LRRN4: variants seen among roughly 807,000 people sequenced by gnomAD.
LRRN4 encodes the protein leucine-rich repeat neuronal protein 4.
LRRN4 carries 26 observed loss-of-function variants against 22.3 expected under a neutral mutation model. The observed-to-expected ratio is 1.16, with a 90% confidence interval of 0.85 to 1.62. LRRN4 has a LOEUF of 1.62. Among genes scored for constraint, LRRN4 ranks in the 40% most tolerant of loss-of-function variants. LRRN4 has a pLI of 0.00. For synonymous variants in LRRN4, 496 were observed against 486.2 expected (o/e 1.02, Z -0.26); for missense variants, 1,070 against 1,008.5 (o/e 1.06, Z -0.83).
intron 3 of LRRN4, among the ~76,000 whole-genome samples, chr20:6,044,944 T>C (rs1733786245): frequency 6.6e-6 from 1 of 152,146 alleles, no homozygotes. Flanking sequence ...ACTGGAGACA[T>C]AGCTAGAATG....
At chr20:6,042,918 CAAA>C (rs11482044) in intron 4 of LRRN4, among the ~76,000 whole-genome samples, 3,633 of 124,188 alleles carry the variant, frequency 0.029, 71 homozygotes, top group Admixed American at 0.059. Flanking sequence ...GACTCTGTCT[CAAA>C]AAAAAAAAAA....
rs1200484539 is a variant in LRRN4 at position 6,052,365 on chromosome 20, C to T, written c.435G>A (p.Leu145=). Residue 145 remains leucine, a synonymous_variant, in exon 2 of 5, where the codon CTG becomes CTA. Coordinates refer to ENST00000378858, the MANE Select transcript of LRRN4 (RefSeq NM_152611.5). ...AALPPCTGPA[L]SSLRALALAG... is the part of the protein sequence containing the mutation. ...CGAGCGCCAGGGCGCGGAGGCTGCT[C>T]AGCGCGGGCCCGGTGCACGGCGGCA... 6.6e-7 allele frequency: 1 copy of T among 1,514,118 alleles called. No individual in the cohort carries two copies. The highest frequency in any genetic ancestry group is 8.8e-7 in the Non-Finnish European group (1 of 1,140,376). The allele number at this position is 1,514,118 out of a possible 1,614,324, so 93.8% of individuals were successfully genotyped here.
In LRRN4 at chr20:6,041,257, C is replaced by A. The variant is rs1260808941; in HGVS notation, c.1988G>T (p.Arg663Leu). 1.3e-6 allele frequency: 2 copies of A among 1,584,638 alleles called. No individual in the cohort carries two copies. The highest frequency in any genetic ancestry group is 1.7e-5 in the Admixed American group (1 of 58,324). The change falls in exon 5 of 5, where the codon CGG becomes CTG. Residue 663 changes from arginine (R) to leucine (L), a missense_variant. Transcript: ENST00000378858. This position sits in a 1 kb window ranked among gnomAD's most constrained non-coding sequence, Gnocchi z 9.4. ...GCACGGGCTCCTCCAGCCCGAAGAC[C>A]GTGGCTGGCTCAAGCCCGCCCTGTT... ...AANRAGLSQP[R>L]SSGWRSPCAA...
Position 6,041,660 on chromosome 20 carries a change from C to G in LRRN4, c.1585G>C (p.Glu529Gln). 1.2e-6 allele frequency: 2 copies of G among 1,610,754 alleles called. No individual in the cohort carries two copies. The highest frequency in any genetic ancestry group is 1.7e-6 in the Non-Finnish European group (2 of 1,178,114). Residue 529 changes from glutamate to glutamine, a missense_variant, in exon 5 of 5, where the codon GAG (glutamate) becomes CAG (glutamine). Coordinates refer to ENST00000378858, the MANE Select transcript of LRRN4 (RefSeq NM_152611.5). This position sits in a 1 kb window ranked among gnomAD's most constrained non-coding sequence, Gnocchi z 9.4. ...TCCTCCTTCCTCCCTTCCTCCTCCT[C>G]ACTGTAGTCGTCCAGCAGCAAGACT... ...IPVLLLDDYS[E>Q]EEEGRKEEVG...
Position 6,042,016 on chromosome 20 carries a change from G to A in LRRN4, c.1229C>T (p.Pro410Leu). The stretch of plus-strand genomic sequence containing the variant: ...AGCTATCGTGCGAGAGCCCACGTTA[G>A]GGGCCTTGGAGACACTCTGCTGGTC... ...AGDQQSVSKAPNVGSRTIAAW... is the reference protein window; with the variant it reads ...AGDQQSVSKALNVGSRTIAAW... Residue 410 changes from proline to leucine, a missense_variant, in exon 5 of 5, where the codon CCT becomes CTT. Coordinates refer to ENST00000378858, the MANE Select transcript of LRRN4 (RefSeq NM_152611.5). 1.2e-6 allele frequency: 2 copies of A among 1,614,006 alleles called. No individual in the cohort carries two copies. The highest frequency in any genetic ancestry group is 1.7e-6 in the Non-Finnish European group (2 of 1,179,978).
In LRRN4 at chr20:6,052,433, C is replaced by A; in HGVS notation, c.367G>T (p.Gly123Trp). 6.5e-7 allele frequency: 1 copy of A among 1,547,944 alleles called. No individual in the cohort carries two copies. The highest frequency in any genetic ancestry group is 8.7e-7 in the Non-Finnish European group (1 of 1,155,708). The change falls in exon 2 of 5, where the codon GGG (glycine) becomes TGG (tryptophan). Residue 123 changes from glycine to tryptophan, a missense_variant. Coordinates refer to ENST00000378858, the MANE Select transcript of LRRN4 (RefSeq NM_152611.5). ...TAGCTGAGGTCCAGGGTGTGCAGCC[C>A]CGCCGGCCCACCCGGGCCCCAGCGC... The part of the protein sequence containing the change: ...ALRWGPGGPA[G>W]LHTLDLSYNQ...
chr20:6,044,537 T>C lies in LRRN4; in HGVS notation c.998+6A>G. 6.6e-7 allele frequency: 1 copy of C among 1,513,948 alleles called. No individual in the cohort carries two copies. Among genetic ancestry groups the C allele is most frequent in the Non-Finnish European group, 8.9e-7 (1 of 1,129,874 alleles). 93.8% of individuals were successfully genotyped at this position (1,513,948 alleles called of 1,614,324 possible). A position where few individuals can be genotyped will look rare whatever the true frequency, so the allele number is the denominator to read the frequency against. ...CCCTCAGCCATCTGCTTTGTAAATG[T>C]GTTACCTGCTTAGGACAGTTCTCTT... On this transcript the variant is annotated splice_donor_region_variant and intron_variant, in intron 4 of 4. Transcript: ENST00000378858.
At chr20:6,043,138 G>A (rs538401090) in intron 4 of LRRN4, among the ~76,000 whole-genome samples, 1 of 152,188 alleles carries the variant, frequency 6.6e-6, no homozygotes, top group African/African-American at 2.4e-5. Context: ...ACCAGGTACA[G>A]TGGCTCATGC....
In LRRN4 at chr20:6,052,520, C is replaced by T; in HGVS notation, c.280G>A (p.Glu94Lys). Residue 94 changes from glutamate (E) to lysine (K), a missense_variant, in exon 2 of 5, where the codon GAG (glutamate) becomes AAG (lysine). Glu to Lys is a moderately conservative substitution (Grantham distance 56). Coordinates refer to ENST00000378858, the MANE Select transcript of LRRN4 (RefSeq NM_152611.5). ...HNLLRALSTS[E>K]LGHLEQLQVL... ...TGCAGCTGCTCCAGGTGGCCGAGCT[C>T]GGAAGTGCTCAGGGCGCGCAGCAGG... 1 of 1,586,180 alleles carries T rather than the reference C, an allele frequency of 6.3e-7. No individual in the cohort carries two copies. The highest frequency in any genetic ancestry group is 1.1e-5 in the South Asian group (1 of 88,678).
rs199654275 is a variant in LRRN4 at position 6,050,906 on chromosome 20, C to T, written c.733G>A (p.Glu245Lys). The T allele has an allele frequency of 6.2e-7, 1 of 1,614,146 alleles. No individual in the cohort carries two copies. Among genetic ancestry groups the T allele is most frequent in the African/African-American group, 1.3e-5 (1 of 75,024 alleles). ...LRKMPRLTTLEGDIFKMTPNL... is the reference protein window; with the variant it reads ...LRKMPRLTTLKGDIFKMTPNL... ...GGGGTCATCTTGAAAATGTCCCCCTCCAGGGTCGTCAGCCGAGGCATCTTC... is the reference window on the plus strand; with the variant it reads ...GGGGTCATCTTGAAAATGTCCCCCTTCAGGGTCGTCAGCCGAGGCATCTTC... Residue 245 changes from glutamate (E) to lysine (K), a missense_variant, in exon 3 of 5, where the codon GAG (glutamate) becomes AAG (lysine). Coordinates refer to ENST00000378858, the MANE Select transcript of LRRN4 (RefSeq NM_152611.5).
rs756232932 is a variant in LRRN4 at position 6,041,550 on chromosome 20, C to A, written c.1695G>T (p.Arg565=). 1.3e-5 allele frequency: 20 copies of A among 1,552,102 alleles called. No individual in the cohort carries two copies. The South Asian group carries it at 2.4e-4, about 18-fold the overall frequency. The part of the protein sequence containing the change: ...LQTPCAELQR[R]WRCRCPGLSG... ...TGAGGCCGGGGCACCGGCACCGCCA[C>A]CGCCTCTGCAGCTCCGCGCACGGGG... The change falls in exon 5 of 5, where the codon CGG becomes CGT. Residue 565 remains arginine, a synonymous_variant. Transcript: ENST00000378858. The surrounding 1 kb of genome is among the most constrained non-coding windows in gnomAD (Gnocchi z 9.4).
chr20:6,052,336 C>T lies in LRRN4; in HGVS notation c.464G>A (p.Gly155Glu), dbSNP rs1408085380. The T allele has an allele frequency of 6.6e-7, 1 of 1,508,252 alleles. No homozygotes were observed. The highest frequency in any genetic ancestry group is 1.5e-5 in the African/African-American group (1 of 68,844). 93.4% of individuals were successfully genotyped at this position (1,508,252 alleles called of 1,614,324 possible). A position where few individuals can be genotyped will look rare whatever the true frequency, so the allele number is the denominator to read the frequency against. Residue 155 changes from glycine to glutamate, a missense_variant, in exon 2 of 5, where the codon GGG (glycine) becomes GAG (glutamate). Transcript: ENST00000378858. ...LSSLRALALA[G>E]NPLRALQPRA... ...GGGCTGCAGCGCCCGCAGCGGATTCCCGGCGAGCGCCAGGGCGCGGAGGCT... is the reference window on the plus strand; with the variant it reads ...GGGCTGCAGCGCCCGCAGCGGATTCTCGGCGAGCGCCAGGGCGCGGAGGCT...
Position 6,042,909 on chromosome 20 carries a change from ACT to A in LRRN4, c.999-665_999-664del, listed in dbSNP as rs569337025. On this transcript the variant is annotated intron_variant, in intron 4 of 4. Transcript: ENST00000378858. The stretch of plus-strand genomic sequence containing the variant: ...ACTCCAGCCTGGGCAACAGAGGGAG[ACT>A]CTGTCTCAAAAAAAAAAAAAAAAAA... Among the ~76,000 whole-genome samples the A allele has an allele frequency of 5.2e-4, 59 of 112,468 alleles. No homozygotes were observed. In the South Asian group the frequency reaches 0.018, roughly 34 times the overall value. The allele number at this position is 112,468 out of a possible 152,430, so 73.8% of individuals were successfully genotyped here.
At chr20:6,049,291 G>A (rs776965210) in intron 3 of LRRN4, among the ~76,000 whole-genome samples, 15 of 152,166 alleles carry the variant, frequency 9.9e-5, no homozygotes, top group Admixed American at 3.9e-4. Context: ...AGCACATGGC[G>A]TGTGTCTCTG....
chr20:6,050,503 T>G (rs375536638), intron 3 of LRRN4, among the ~76,000 whole-genome samples: 3 of 152,204 alleles, frequency 2.0e-5, no homozygotes, highest in Non-Finnish European at 4.4e-5. Flanking sequence ...CCACTGTAAA[T>G]TTCTAAGACT....
intron 2 of LRRN4, among the ~76,000 whole-genome samples, chr20:6,051,922 G>A (rs1453306996): frequency 1.3e-5 from 2 of 152,194 alleles, no homozygotes; most frequent in South Asian, 2.1e-4. Flanking sequence ...AAAAGGAGAT[G>A]GTAACAGTTC....
In LRRN4 at chr20:6,050,930, TC is replaced by T; in HGVS notation, c.708del (p.Lys237ArgfsTer5). 1 of 1,614,184 alleles carries T rather than the reference TC, an allele frequency of 6.2e-7. No homozygotes were observed. The highest frequency in any genetic ancestry group is 8.5e-7 in the Non-Finnish European group (1 of 1,180,030). The stretch of plus-strand genomic sequence containing the variant: ...TCCAGGGTCGTCAGCCGAGGCATCT[TC>T]CTCAGGTAGAGGGATGTGAGCTTCG... ...DLPKLTSLYL[R>X]KMPRLTTLEG... On this transcript the variant is annotated frameshift_variant, in exon 3 of 5. Transcript: ENST00000378858. LOFTEE classifies it high-confidence loss of function.
At chr20:6,049,781 G>A (rs1039951958) in intron 3 of LRRN4, among the ~76,000 whole-genome samples, 20 of 151,528 alleles carry the variant, frequency 1.3e-4, no homozygotes, top group Non-Finnish European at 2.9e-4. Flanking sequence ...GGGATTACAG[G>A]CATGAGCCAT....
Position 6,041,551 on chromosome 20 carries a change from C to G in LRRN4, c.1694G>C (p.Arg565Pro). ...GAGGCCGGGGCACCGGCACCGCCACCGCCTCTGCAGCTCCGCGCACGGGGT... is the reference window on the plus strand; with the variant it reads ...GAGGCCGGGGCACCGGCACCGCCACGGCCTCTGCAGCTCCGCGCACGGGGT... ...LQTPCAELQR[R>P]WRCRCPGLSG... Residue 565 changes from arginine to proline, a missense_variant, in exon 5 of 5, where the codon CGG (arginine) becomes CCG (proline). Coordinates refer to ENST00000378858, the MANE Select transcript of LRRN4 (RefSeq NM_152611.5). This position sits in a 1 kb window ranked among gnomAD's most constrained non-coding sequence, Gnocchi z 9.4. 6.4e-7 allele frequency: 1 copy of G among 1,551,990 alleles called. No homozygotes were observed. The highest frequency in any genetic ancestry group is 1.7e-4 in the Middle Eastern group (1 of 5,740).
Sources: allele counts gnomAD v4.1 joint callset (sites outside exome capture counted in the v4.1 genomes callset), GRCh38; gene constraint gnomAD v4.1.1; non-coding constraint Gnocchi (gnomAD v3.1); transcripts MANE v1.5; gene names NCBI Gene and HGNC (gene_info 2026-07-23, HGNC 2026-07-21).